Variants in MYH15 observed in about 807,000 individuals in gnomAD.
The protein encoded by MYH15 is myosin-15.
Under a neutral mutation model 240.5 loss-of-function variants are expected in MYH15, and 227 were observed. The observed-to-expected ratio is 0.94, with a 90% CI of 0.85 to 1.05. The LOEUF (loss-of-function observed/expected upper bound fraction) is 1.05, where lower values mean the gene tolerates loss of function less well. Among genes scored for constraint, MYH15 ranks in the 50% least tolerant of loss-of-function variants. MYH15 has a pLI of 0.00. For missense variants in MYH15, 2,217 were observed against 2,247.5 expected, an observed-to-expected ratio of 0.99 and a Z score of 0.27; for synonymous variants, 785 against 796.7, an observed-to-expected ratio of 0.99 and a Z score of 0.25.
At chr3:108,460,797 A>G (rs931891051) in intron 16 of MYH15, among the ~76,000 whole-genome samples, 3 of 152,180 alleles carry the variant, frequency 2.0e-5, no homozygotes, top group African/African-American at 4.8e-5. Flanking sequence ...TAAATTTTAT[A>G]TATGATGACC....
chr3:108,435,162 T>C (rs2082820605), intron 25 of MYH15, among the ~76,000 whole-genome samples: 1 of 152,238 alleles, frequency 6.6e-6, no homozygotes, highest in Non-Finnish European at 1.5e-5. Context: ...TTTATTTGTG[T>C]TGGCGTTTGC....
intron 11 of MYH15, among the ~76,000 whole-genome samples, chr3:108,484,720 T>A (rs897495007): frequency 6.6e-6 from 1 of 152,162 alleles, no homozygotes; most frequent in Non-Finnish European, 1.5e-5. Flanking sequence ...CCTCAAGTGA[T>A]CCACCCACCT....
intron 33 of MYH15, 41 bp from the exon 34 acceptor site, chr3:108,399,308 C>G: frequency 4.0e-6 from 6 of 1,486,398 alleles, no homozygotes; most frequent in Non-Finnish European, 5.6e-6. Flanking sequence ...AATGACACAT[C>G]CAAATTAATC....
chr3:108,459,417 T>C lies in MYH15; in HGVS notation c.1965A>G (p.Lys655=). The change falls in exon 18 of 41, where the codon AAA becomes AAG. Residue 655 remains lysine (K), a synonymous_variant. Transcript: ENST00000693548. Reference sequence around the variant, plus strand: ...ATCTCACAAAATGAGGTGCTGTTGATTTCAGATTAGTCATCAATTTATTCA... The same window carrying C: ...ATCTCACAAAATGAGGTGCTGTTGACTTCAGATTAGTCATCAATTTATTCA... ...ENLNKLMTNL[K]STAPHFVRCI... The C allele has an allele frequency of 1.9e-6, 3 of 1,606,138 alleles. No homozygotes were observed. The highest frequency in any genetic ancestry group is 2.5e-6 in the Non-Finnish European group (3 of 1,177,272).
chr3:108,546,004 T>G, the MYH15 span, among the ~76,000 whole-genome samples: 6 of 152,184 alleles, frequency 3.9e-5, no homozygotes, highest in African/African-American at 1.4e-4. Context: ...GTGAAGCTTC[T>G]GTGTGTTCCA....
chr3:108,462,787 A>G (rs2083082209), intron 16 of MYH15, among the ~76,000 whole-genome samples: 2 of 152,116 alleles, frequency 1.3e-5, no homozygotes, highest in South Asian at 2.1e-4. Flanking sequence ...AATTATATAT[A>G]TATAGTTATA....
At chr3:108,428,422 TC>T (rs1260581640) in intron 27 of MYH15, 69 bp downstream of exon 27, 9 of 1,508,316 alleles carry the variant, frequency 6.0e-6, no homozygotes, top group Admixed American at 2.1e-5. Flanking sequence ...TTCTTTTCCC[TC>T]CCCTCCCATT....
At position 108,468,639 on chromosome 3, in the gene MYH15, A is replaced by G. The variant is rs544380633; in HGVS notation, c.1554+1403T>C. 3.3e-5 allele frequency among the ~76,000 whole-genome samples: 5 copies of G among 152,328 alleles called. No homozygotes were observed. In the South Asian group the frequency reaches 1.0e-3, roughly 32 times the overall value. On this transcript the variant is annotated intron_variant, in intron 14 of 40. Transcript: ENST00000693548. ...GTCAGTAATTTTTTCTCATTTTATTATATCAGTAGAAAATACAACAGGAAA... is the reference window on the plus strand; with the variant it reads ...GTCAGTAATTTTTTCTCATTTTATTGTATCAGTAGAAAATACAACAGGAAA...
At chr3:108,511,457 G>A (rs2083522158), upstream of MYH15, among the ~76,000 whole-genome samples, 1 of 152,180 alleles carries the variant, frequency 6.6e-6, no homozygotes, top group African/African-American at 2.4e-5. Context: ...GGACTAAGTT[G>A]CTGGACAAAT....
Position 108,493,210 on chromosome 3 carries a change from AAC to A in MYH15, c.712-35_712-34del, listed in dbSNP as rs779197612. 1.2e-5 allele frequency: 19 copies of A among 1,590,820 alleles called. No individual in the cohort carries two copies. The South Asian group carries it at 1.5e-4, about 13-fold the overall frequency. On this transcript the variant is annotated intron_variant, in intron 7 of 40. Coordinates refer to ENST00000693548, the MANE Select transcript of MYH15 (RefSeq NM_014981.3). Reference sequence around the variant, plus strand: ...GGACACAGAACACAGTCAGACACAAAACACAGTTTCCTATTCACATTTTCCAA... The same window carrying A: ...GGACACAGAACACAGTCAGACACAAAACAGTTTCCTATTCACATTTTCCAA...
chr3:108,513,063 A>C (rs2083533243), upstream of MYH15, among the ~76,000 whole-genome samples: 1 of 152,192 alleles, frequency 6.6e-6, no homozygotes, highest in Non-Finnish European at 1.5e-5. Flanking sequence ...AATTTTATAG[A>C]ATAACACACT....
intron 35 of MYH15, among the ~76,000 whole-genome samples, chr3:108,395,140 A>C (rs1261584225): frequency 3.3e-5 from 5 of 152,182 alleles, no homozygotes; most frequent in Admixed American, 3.3e-4. Flanking sequence ...GTGGTGGCAT[A>C]CAGCTGTGGT....
intron 33 of MYH15, 160 bp downstream of exon 33, chr3:108,405,178 A>G (rs574053300): frequency 4.8e-6 from 2 of 420,170 alleles, no homozygotes; most frequent in African/African-American, 4.0e-5. Context: ...TCTATACACG[A>G]TTATAGATAT....
the MYH15 span, among the ~76,000 whole-genome samples, chr3:108,548,377 A>G: frequency 2.0e-5 from 3 of 152,282 alleles, no homozygotes; most frequent in South Asian, 2.1e-4. Context: ...AAAGATTACC[A>G]AACATAAAAA....
chr3:108,382,576 T>A (rs1419328333), intron 40 of MYH15, among the ~76,000 whole-genome samples: 2 of 152,066 alleles, frequency 1.3e-5, no homozygotes, highest in African/African-American at 4.8e-5. Flanking sequence ...AAATTTGGAG[T>A]GAACTCTTTC....
At chr3:108,429,433 T>A (rs1208563967) in intron 26 of MYH15, among the ~76,000 whole-genome samples, 1 of 152,140 alleles carries the variant, frequency 6.6e-6, no homozygotes, top group Non-Finnish European at 1.5e-5. Context: ...AGGAAGAGAT[T>A]TGAAATAACA....
Position 108,410,671 on chromosome 3 carries a change from G to C in MYH15, c.4407C>G (p.Leu1469=). 6.2e-7 allele frequency: 1 copy of C among 1,614,162 alleles called. No individual in the cohort carries two copies. The highest frequency in any genetic ancestry group is 8.5e-7 in the Non-Finnish European group (1 of 1,180,038). Reference sequence around the variant, plus strand: ...TCTTGAGCTTGAGGAGCTCTGTACTGAGAGCCTGAACTTCCTTCTGAGAGG... The same window carrying C: ...TCTTGAGCTTGAGGAGCTCTGTACTCAGAGCCTGAACTTCCTTCTGAGAGG... The part of the protein sequence containing the change: ...LDASQKEVQA[L]STELLKLKNT... The change falls in exon 31 of 41, where the codon CTC becomes CTG. Residue 1469 remains leucine (L), a synonymous_variant. Coordinates refer to ENST00000693548, the MANE Select transcript of MYH15 (RefSeq NM_014981.3).
intron 2 of MYH15, among the ~76,000 whole-genome samples, chr3:108,503,707 C>T (rs772626299): frequency 8.5e-5 from 13 of 152,096 alleles, no homozygotes; most frequent in Non-Finnish European, 1.5e-4. Context: ...CTGGTGGAAA[C>T]GTAAAATGGT....
chr3:108,541,386 G>GA, the MYH15 span, among the ~76,000 whole-genome samples: 24 of 150,452 alleles, frequency 1.6e-4, no homozygotes, highest in African/African-American at 4.9e-4. Flanking sequence ...ACAGCTAATT[G>GA]AAAAAAAATT....
Sources: gnomAD v4.1 joint callset for allele counts (sites outside exome capture counted in the v4.1 genomes callset) on GRCh38, gnomAD v4.1.1 for gene constraint, MANE v1.5 for transcripts, NCBI Gene and HGNC (gene_info 2026-07-23, HGNC 2026-07-21) for gene names.